The following MGAT4C variants were observed in gnomAD, a reference collection of about 807,000 sequenced individuals.
The protein encoded by MGAT4C is alpha-1,3-mannosyl-glycoprotein 4-beta-N-acetylglucosaminyltransferase C.
Under a neutral mutation model 40.1 loss-of-function variants are expected in MGAT4C, and 19 were observed. That is an observed-to-expected ratio of 0.47 (90% confidence interval 0.33 to 0.70). The LOEUF is 0.70. Among genes scored for constraint, MGAT4C ranks in the 30% least tolerant of loss-of-function variants. The pLI, the probability that MGAT4C is intolerant of heterozygous loss-of-function variation, is 0.02. For missense variants in MGAT4C, 491 were observed against 563.2 expected (o/e 0.87, Z 1.30); for synonymous variants, 181 against 187.1 (o/e 0.97, Z 0.27).
At chr12:86,309,562 G>A (rs189686545) in intron 4 of MGAT4C, among the ~76,000 whole-genome samples, 1 of 152,256 alleles carries the variant, frequency 6.6e-6, no homozygotes, top group Admixed American at 6.5e-5. Flanking sequence ...CTAAATTCAT[G>A]CGGGCTCTGC....
intron 1 of MGAT4C, among the ~76,000 whole-genome samples, chr12:86,215,074 A>G (rs1166165165): frequency 2.6e-5 from 4 of 152,132 alleles, no homozygotes; most frequent in Non-Finnish European, 5.9e-5. Flanking sequence ...ATTTTGAGTT[A>G]TGGAGTAGTG....
chr12:86,577,844 C>T (rs906832497), intron 2 of MGAT4C, among the ~76,000 whole-genome samples: 4 of 151,674 alleles, frequency 2.6e-5, no homozygotes, highest in Admixed American at 6.6e-5. Context: ...CTTATCTCTT[C>T]AAATATGTTT....
intron 3 of MGAT4C, among the ~76,000 whole-genome samples, chr12:86,410,366 C>T (rs984234278): frequency 1.3e-5 from 2 of 152,126 alleles, no homozygotes; most frequent in Non-Finnish European, 2.9e-5. Flanking sequence ...GGAATGCATT[C>T]CTTCCGCAGG....
intron 1 of MGAT4C, among the ~76,000 whole-genome samples, chr12:86,738,451 T>C (rs963076081): frequency 1.3e-5 from 2 of 151,506 alleles, no homozygotes; most frequent in Admixed American, 6.6e-5. Context: ...AGAATAAATA[T>C]CTTCATACAG....
At chr12:86,825,341 C>T (rs912786381) in intron 1 of MGAT4C, among the ~76,000 whole-genome samples, 1 of 151,026 alleles carries the variant, frequency 6.6e-6, no homozygotes, top group African/African-American at 2.4e-5. Context: ...ACAAAACCAT[C>T]CTAAATCTTT....
intron 2 of MGAT4C, among the ~76,000 whole-genome samples, chr12:86,044,274 C>T (rs1565902150): frequency 6.6e-6 from 1 of 152,280 alleles, no homozygotes; most frequent in East Asian, 1.9e-4. Context: ...TTCCAGACTG[C>T]AGTCCATAAC....
In MGAT4C at chr12:86,838,149, A is replaced by G. The variant is rs115707643; in HGVS notation, c.-262+517T>C. Among the ~76,000 whole-genome samples, 665 of 152,298 alleles carry G rather than the reference A, an allele frequency of 4.4e-3. 2 individuals are homozygous for G. The highest frequency in any genetic ancestry group is 0.015 in the African/African-American group (640 of 41,570). ...CAATTATATCTACATAATATTATCA[A>G]AAAGACTTATACTGAAGTTTCTTTA... On this transcript the variant is annotated intron_variant, in intron 1 of 7. Coordinates refer to the MGAT4C transcript ENST00000548651.
At chr12:86,001,531 G>T in intron 2 of MGAT4C, 1 of 614,686 alleles carries the variant, frequency 1.6e-6, no homozygotes, top group Non-Finnish European at 2.0e-6. Flanking sequence ...TTGATTGATG[G>T]ATGAGCCATT....
At chr12:86,120,348 C>G (rs1426473242) in intron 1 of MGAT4C, among the ~76,000 whole-genome samples, 1 of 152,164 alleles carries the variant, frequency 6.6e-6, no homozygotes, top group Non-Finnish European at 1.5e-5. Context: ...GCAGAAACTT[C>G]TGCAGACTTA....
At position 86,620,072 on chromosome 12, in the gene MGAT4C, G is replaced by T. The variant is rs190704797; in HGVS notation, c.-229+107137C>A. On this transcript the variant is annotated intron_variant, in intron 2 of 7. Transcript: ENST00000548651. ...TATTAAAAAATCAACAGATGTTGGTGAGGATGCAAAGAAAAAGGAACACTT... is the reference window on the plus strand; with the variant it reads ...TATTAAAAAATCAACAGATGTTGGTTAGGATGCAAAGAAAAAGGAACACTT... Among the ~76,000 whole-genome samples, 21 of 152,232 alleles carry T rather than the reference G, an allele frequency of 1.4e-4. No individual in the cohort carries two copies. In the East Asian group the frequency reaches 4.1e-3, roughly 29 times the overall value.
At chr12:86,236,060 T>C (rs901171879) in intron 1 of MGAT4C, among the ~76,000 whole-genome samples, 1 of 152,082 alleles carries the variant, frequency 6.6e-6, no homozygotes, top group Non-Finnish European at 1.5e-5. Context: ...CTGAAAGGTC[T>C]AATTTATGGC....
At chr12:86,349,753 C>T (rs1426711456) in intron 3 of MGAT4C, among the ~76,000 whole-genome samples, 2 of 152,062 alleles carry the variant, frequency 1.3e-5, no homozygotes, top group South Asian at 4.1e-4. Flanking sequence ...TGTTTTAACT[C>T]CAACTTTCAG....
intron 1 of MGAT4C, among the ~76,000 whole-genome samples, chr12:86,756,510 C>T (rs1476013812): frequency 1.3e-5 from 2 of 152,008 alleles, no homozygotes; most frequent in African/African-American, 4.8e-5. Flanking sequence ...AGGAATTCTA[C>T]ATTTCTTAAA....
chr12:86,681,598 T>A (rs773805603), intron 2 of MGAT4C, among the ~76,000 whole-genome samples: 32 of 151,954 alleles, frequency 2.1e-4, no homozygotes, highest in Non-Finnish European at 3.8e-4. Flanking sequence ...AATAGGAAAT[T>A]TTCAATCTTC....
At chr12:86,388,630 C>G (rs1956103794) in intron 3 of MGAT4C, among the ~76,000 whole-genome samples, 1 of 150,284 alleles carries the variant, frequency 6.7e-6, no homozygotes, top group Non-Finnish European at 1.5e-5. Context: ...CTGAAGCAAA[C>G]TGCCTATCAA....
At chr12:86,658,110 T>C (rs1963893814) in intron 2 of MGAT4C, among the ~76,000 whole-genome samples, 1 of 152,014 alleles carries the variant, frequency 6.6e-6, no homozygotes, top group Non-Finnish European at 1.5e-5. Flanking sequence ...ATGAGATATA[T>C]GCATGCAGAT....
chr12:86,318,990 C>T (rs1954310655), intron 4 of MGAT4C, among the ~76,000 whole-genome samples: 2 of 152,080 alleles, frequency 1.3e-5, no homozygotes, highest in Non-Finnish European at 2.9e-5. Flanking sequence ...CTCATTTTGC[C>T]TGGGATTTCA....
In MGAT4C at chr12:85,961,675, A is replaced by G. The variant is rs1387008179; in HGVS notation, c.*17614T>C. ...GAGCAACGGAAGAAAATGTATCAAA[A>G]CACATCTCCAATTTATTTGAATTTT... is the stretch of plus-strand genomic sequence containing the variant. On this transcript the variant is annotated 3_prime_UTR_variant, in exon 5 of 5. Transcript: ENST00000611864. The G allele has an allele frequency of 6.6e-6, 1 of 151,768 alleles. No homozygotes were observed. The highest frequency in any genetic ancestry group is 1.5e-5 in the Non-Finnish European group (1 of 67,760). The allele number at this position is 151,768 out of a possible 1,614,324, so 9.4% of individuals were successfully genotyped here. A position where few individuals can be genotyped will look rare whatever the true frequency, so the allele number is the denominator to read the frequency against.
At chr12:86,392,171 G>T (rs914279379) in intron 3 of MGAT4C, among the ~76,000 whole-genome samples, 2 of 152,044 alleles carry the variant, frequency 1.3e-5, no homozygotes, top group Non-Finnish European at 2.9e-5. Flanking sequence ...TAGAAGAAGA[G>T]CAAGAATTAG....
Sources: gnomAD v4.1 joint callset for allele counts (sites outside exome capture counted in the v4.1 genomes callset) on GRCh38, gnomAD v4.1.1 for gene constraint, MANE v1.5 for transcripts, NCBI Gene and HGNC (gene_info 2026-07-23, HGNC 2026-07-21) for gene names.